NPAS3: variants seen among roughly 807,000 people sequenced by gnomAD.
The protein encoded by NPAS3 is neuronal PAS domain-containing protein 3.
A neutral mutation model predicts 73.1 loss-of-function variants in NPAS3; 14 were observed. The ratio of observed to expected loss-of-function variants is 0.19; its 90% CI spans 0.13 to 0.30. The LOEUF (loss-of-function observed/expected upper bound fraction) is 0.30, where lower values mean the gene tolerates loss of function less well. Among genes scored for constraint, NPAS3 ranks in the 10% least tolerant of loss-of-function variants. The pLI, the probability that NPAS3 is intolerant of heterozygous loss-of-function variation, is 1.00. For synonymous variants in NPAS3, 620 were observed against 541.5 expected (o/e 1.14, Z -2.01); for missense variants, 1,096 against 1,250.0 (o/e 0.88, Z 1.86).
intron 7 of NPAS3, among the ~76,000 whole-genome samples, chr14:33,746,871 T>C (rs1049582322): frequency 9.9e-5 from 15 of 151,724 alleles, no homozygotes; most frequent in Admixed American, 9.2e-4. Flanking sequence ...ATTAGGTATA[T>C]CTCCCAATGC....
chr14:33,301,329 T>A lies in NPAS3; in HGVS notation c.386-65857T>A, dbSNP rs1474971031. On this transcript the variant is annotated intron_variant, in intron 3 of 11. Transcript: ENST00000356141. ...CATTATATATATATATATATTTTTTTTTTTTAAATCTAGCTGTAATGGGTT... is the reference window on the plus strand; with the variant it reads ...CATTATATATATATATATATTTTTTATTTTTAAATCTAGCTGTAATGGGTT... Among the ~76,000 whole-genome samples, 201 of 105,594 alleles carry A rather than the reference T, an allele frequency of 1.9e-3. 2 individuals carry two copies. Among genetic ancestry groups the A allele is most frequent in the East Asian group, 0.017 (52 of 3,074 alleles). 69.3% of individuals were successfully genotyped at this position (105,594 alleles called of 152,430 possible). A position where few individuals can be genotyped will look rare whatever the true frequency, so the allele number is the denominator to read the frequency against.
intron 2 of NPAS3, among the ~76,000 whole-genome samples, chr14:33,107,406 C>T (rs916172096): frequency 3.9e-5 from 6 of 152,084 alleles, no homozygotes; most frequent in African/African-American, 1.4e-4. Flanking sequence ...TTACCCTCTT[C>T]CTGTCTCCCC....
At chr14:33,149,858 C>T (rs1205908684) in intron 2 of NPAS3, among the ~76,000 whole-genome samples, 2 of 152,080 alleles carry the variant, frequency 1.3e-5, no homozygotes, top group African/African-American at 4.8e-5. Flanking sequence ...CATAGGTATA[C>T]ACATGCCATG....
At chr14:33,519,720 A>G (rs1041947338) in intron 4 of NPAS3, among the ~76,000 whole-genome samples, 1 of 152,180 alleles carries the variant, frequency 6.6e-6, no homozygotes, top group Non-Finnish European at 1.5e-5. Flanking sequence ...TTCTTATCAC[A>G]TCTTCCTCAC....
chr14:33,791,153 GGTCA>G (rs1338503880), intron 9 of NPAS3, among the ~76,000 whole-genome samples: 3 of 152,174 alleles, frequency 2.0e-5, no homozygotes, highest in Non-Finnish European at 2.9e-5. Flanking sequence ...TAAAACCACA[GGTCA>G]GTCAAACTCG....
chr14:33,584,516 CAA>C (rs1350335291), intron 5 of NPAS3, among the ~76,000 whole-genome samples: 1 of 151,998 alleles, frequency 6.6e-6, no homozygotes, highest in Non-Finnish European at 1.5e-5. Context: ...TAAAAGAAGT[CAA>C]GGTGTGGGCA....
intron 6 of NPAS3, among the ~76,000 whole-genome samples, chr14:33,729,682 G>C (rs1328544116): frequency 6.6e-6 from 1 of 152,152 alleles, no homozygotes; most frequent in African/African-American, 2.4e-5. Context: ...CGTGGCAACT[G>C]GTTTCCATCA....
chr14:33,134,861 A>ATT (rs71448288), intron 2 of NPAS3, among the ~76,000 whole-genome samples: 34,992 of 150,498 alleles, frequency 0.23, 4,336 homozygotes, highest in Middle Eastern at 0.35. Flanking sequence ...TTAAAGACTG[A>ATT]TTTTTTTTTT....
chr14:33,285,417 A>G (rs1289839701), intron 3 of NPAS3, among the ~76,000 whole-genome samples: 3 of 152,306 alleles, frequency 2.0e-5, no homozygotes, highest in East Asian at 3.9e-4. Context: ...GTTATTGAGT[A>G]AAATATTTTC....
chr14:33,284,331 T>G (rs987119745), intron 3 of NPAS3, among the ~76,000 whole-genome samples: 1 of 150,132 alleles, frequency 6.7e-6, no homozygotes, highest in Non-Finnish European at 1.5e-5. Context: ...GTGCTCTATT[T>G]TTTTTTTTAA....
At chr14:33,087,112 A>G (rs2042052955) in intron 2 of NPAS3, among the ~76,000 whole-genome samples, 1 of 127,114 alleles carries the variant, frequency 7.9e-6, no homozygotes, top group African/African-American at 3.4e-5. Context: ...AATATTGTAT[A>G]ATATAGTATA....
chr14:33,150,423 C>T (rs987132767), intron 2 of NPAS3, among the ~76,000 whole-genome samples: 10 of 152,090 alleles, frequency 6.6e-5, no homozygotes, highest in Non-Finnish European at 1.2e-4. Flanking sequence ...TGGTAGGTTG[C>T]GCTGCATTTC....
chr14:33,496,512 C>T (rs768518489), intron 4 of NPAS3, among the ~76,000 whole-genome samples: 12 of 152,078 alleles, frequency 7.9e-5, no homozygotes, highest in African/African-American at 2.4e-4. Context: ...ACAATCAAGT[C>T]GGCTTCATCC....
intron 3 of NPAS3, among the ~76,000 whole-genome samples, chr14:33,287,276 G>C (rs2041915821): frequency 6.6e-6 from 1 of 152,118 alleles, no homozygotes; most frequent in Non-Finnish European, 1.5e-5. Context: ...TTACAATGTA[G>C]ATTGCACTAA....
At chr14:33,459,137 A>G (rs943874337) in intron 4 of NPAS3, among the ~76,000 whole-genome samples, 3 of 152,148 alleles carry the variant, frequency 2.0e-5, no homozygotes, top group Non-Finnish European at 4.4e-5. Flanking sequence ...GGAGTGTAGC[A>G]GTGAGGACGA....
chr14:33,402,858 G>C (rs1000031270), intron 4 of NPAS3, among the ~76,000 whole-genome samples: 5 of 152,108 alleles, frequency 3.3e-5, no homozygotes, highest in African/African-American at 7.2e-5. Context: ...TTTCTGACAA[G>C]GACTACTAAG....
intron 4 of NPAS3, among the ~76,000 whole-genome samples, chr14:33,414,501 A>G (rs1048857173): frequency 7.2e-5 from 11 of 152,120 alleles, no homozygotes. Context: ...TAATTCCTAT[A>G]CCAAGCATTT....
chr14:33,708,293 C>T (rs2060716322), intron 6 of NPAS3, among the ~76,000 whole-genome samples: 1 of 152,148 alleles, frequency 6.6e-6, no homozygotes, highest in South Asian at 2.1e-4. Context: ...GCTTTAGAAT[C>T]CTTTGAAGAA....
intron 5 of NPAS3, among the ~76,000 whole-genome samples, chr14:33,579,262 C>T (rs903181873): frequency 1.5e-4 from 23 of 152,202 alleles, no homozygotes; most frequent in Non-Finnish European, 1.0e-4. Flanking sequence ...CTTATTCACA[C>T]ATCTCAGTAA....
Sources: gnomAD v4.1 joint callset for allele counts (sites outside exome capture counted in the v4.1 genomes callset) on GRCh38, gnomAD v4.1.1 for gene constraint, MANE v1.5 for transcripts, NCBI Gene and HGNC (gene_info 2026-07-23, HGNC 2026-07-21) for gene names.